SAMHD1: variants seen among roughly 807,000 people sequenced by gnomAD.
SAMHD1 encodes SAM and HD domain containing deoxynucleoside triphosphate triphosphohydrolase 1, also known as deoxynucleoside triphosphate triphosphohydrolase SAMHD1.
A neutral mutation model predicts 79.6 loss-of-function variants in SAMHD1; 54 were observed. The observed-to-expected ratio is 0.68, with a 90% confidence interval of 0.55 to 0.85. The LOEUF (loss-of-function observed/expected upper bound fraction) is 0.85, where lower values mean the gene tolerates loss of function less well. SAMHD1 is among the 40% of genes least tolerant of loss of function. The probability of loss-of-function intolerance (pLI) is 0.00; values close to 1 mark genes in which losing one functional copy is unlikely to be tolerated. For synonymous variants in SAMHD1, 260 were observed against 264.1 expected (o/e 0.98, Z 0.15); for missense variants, 663 against 782.7 (o/e 0.85, Z 1.82).
chr20:36,908,005 G>A (rs931488609), intron 11 of SAMHD1, among the ~76,000 whole-genome samples: 15 of 151,906 alleles, frequency 9.9e-5, no homozygotes, highest in Non-Finnish European at 1.9e-4. Flanking sequence ...TCTCCGAGTA[G>A]CTGGGACTAC....
chr20:36,898,087 A>G, intron 14 of SAMHD1, 128 bp from the exon 15 acceptor site: 3 of 1,158,376 alleles, frequency 2.6e-6, no homozygotes, highest in Non-Finnish European at 3.8e-6. Flanking sequence ...GCTGGAGTGC[A>G]GTGGCACAAT....
chr20:36,912,889 GTTT>G lies in SAMHD1; in HGVS notation c.1063-340_1063-338del, dbSNP rs71186089. 1.5e-4 allele frequency among the ~76,000 whole-genome samples: 6 copies of G among 41,104 alleles called. No homozygotes were observed. In the Admixed American group the frequency reaches 1.7e-3, roughly 11 times the overall value. The allele number at this position is 41,104 out of a possible 152,430, so 27.0% of individuals were successfully genotyped here. ...TGTACCCAGCTAACTTTCATTCTTT[GTTT>G]TTTTTTTTTTTTTTTTTTTTTTTGA... On this transcript the variant is annotated intron_variant, in intron 9 of 15. Transcript: ENST00000646673.
At chr20:36,893,284 A>G (rs576091270) in intron 15 of SAMHD1, 9 of 605,038 alleles carry the variant, frequency 1.5e-5, no homozygotes, top group South Asian at 9.7e-5. Context: ...GAAAACAGCC[A>G]CTGGCCTCTG....
At chr20:36,929,714 A>AT (rs2063556721) in intron 5 of SAMHD1, among the ~76,000 whole-genome samples, 1 of 152,194 alleles carries the variant, frequency 6.6e-6, no homozygotes, top group Admixed American at 6.6e-5. Context: ...CTCCATCTCA[A>AT]AAATAAAAAA....
chr20:36,912,187 G>A (rs1045171917), intron 10 of SAMHD1: 2 of 452,954 alleles, frequency 4.4e-6, no homozygotes, highest in Non-Finnish European at 8.1e-6. Context: ...AGTGATCTCA[G>A]CACTGCCGCT....
chr20:36,923,413 C>A (rs1022230196), intron 6 of SAMHD1, among the ~76,000 whole-genome samples: 1 of 151,754 alleles, frequency 6.6e-6, no homozygotes, highest in Non-Finnish European at 1.5e-5. Flanking sequence ...CAGGGCAAGA[C>A]CCTCTCTCAA....
rs1308335953 is a variant in SAMHD1, at chr20:36,896,005, T to C, written c.1746+1817A>G. ...GATATTTAAAGTATAAAGGAGGATATGTATAGGTCATATGCAAACACTATA... is the reference window on the plus strand; with the variant it reads ...GATATTTAAAGTATAAAGGAGGATACGTATAGGTCATATGCAAACACTATA... On this transcript the variant is annotated intron_variant, in intron 15 of 15. Coordinates refer to ENST00000646673, the MANE Select transcript of SAMHD1 (RefSeq NM_015474.4). Among the ~76,000 whole-genome samples, 10 of 152,222 alleles carry C rather than the reference T, an allele frequency of 6.6e-5. No individual in the cohort carries two copies. The South Asian group carries it at 1.9e-3, about 28-fold the overall frequency.
In SAMHD1 at chr20:36,897,536, C is replaced by T. The variant is rs562340667; in HGVS notation, c.1746+286G>A. On this transcript the variant is annotated intron_variant, in intron 15 of 15. Coordinates refer to ENST00000646673, the MANE Select transcript of SAMHD1 (RefSeq NM_015474.4). ...AGATGGAGACACTATGAATAACCTT[C>T]CAGGGCCACTGGTGAACAACATTAG... The T allele has an allele frequency of 1.1e-4, 50 of 462,588 alleles. No homozygotes were observed. In the East Asian group the frequency reaches 2.1e-3, roughly 20 times the overall value. The allele number at this position is 462,588 out of a possible 1,614,324, so 28.7% of individuals were successfully genotyped here.
intron 15 of SAMHD1, among the ~76,000 whole-genome samples, chr20:36,895,087 T>C (rs550399213): frequency 6.6e-6 from 1 of 152,188 alleles, no homozygotes; most frequent in Non-Finnish European, 1.5e-5. Context: ...TTCTAGTGAA[T>C]TTTATAAATG....
In SAMHD1 at chr20:36,890,242, C is replaced by T. The variant is rs1990028006; in HGVS notation, c.*2690G>A. On this transcript the variant is annotated 3_prime_UTR_variant, in exon 16 of 16. Coordinates refer to ENST00000646673, the MANE Select transcript of SAMHD1 (RefSeq NM_015474.4). ...AAGATGGAGATATATATTCACGAAG[C>T]TTTATTGCAGCTGTTTCCCTTACCC... The T allele has an allele frequency of 6.6e-6, 1 of 152,146 alleles. No homozygotes were observed. 9.4% of individuals were successfully genotyped at this position (152,146 alleles called of 1,614,324 possible). A position where few individuals can be genotyped will look rare whatever the true frequency, so the allele number is the denominator to read the frequency against.
chr20:36,895,962 T>A (rs955988695), intron 15 of SAMHD1, among the ~76,000 whole-genome samples: 1 of 152,102 alleles, frequency 6.6e-6, no homozygotes, highest in Non-Finnish European at 1.5e-5. Flanking sequence ...TTGTAGTAGG[T>A]TTTATAAGTA....
chr20:36,936,211 G>A (rs779381979), intron 3 of SAMHD1, among the ~76,000 whole-genome samples: 15 of 152,032 alleles, frequency 9.9e-5, no homozygotes, highest in Non-Finnish European at 1.8e-4. Flanking sequence ...CAACACTTCA[G>A]CCTGGGCGAC....
Position 36,917,005 on chromosome 20 carries a change from C to T in SAMHD1, c.897G>A (p.Glu299=), listed in dbSNP as rs766301679. 11 of 1,614,036 alleles carry T rather than the reference C, an allele frequency of 6.8e-6. No individual in the cohort carries two copies. The highest frequency in any genetic ancestry group is 4.2e-6 in the Non-Finnish European group (5 of 1,179,946). Residue 299 remains glutamate, a synonymous_variant, in exon 8 of 16, where the codon GAG becomes GAA. Coordinates refer to ENST00000646673, the MANE Select transcript of SAMHD1 (RefSeq NM_015474.4). ...GRPENKSFLY[E]IVSNKRNGID... ...TGCCATTTCTTTTATTAGATACTAT[C>T]TCATAAAGGAAGCTTTTGTTTTCAG...
intron 6 of SAMHD1, among the ~76,000 whole-genome samples, chr20:36,923,576 TTATAAGGAACTTAGGAG>T (rs1270802372): frequency 9.2e-5 from 14 of 152,148 alleles, no homozygotes; most frequent in Non-Finnish European, 1.5e-4. Flanking sequence ...ACAACTAAAA[TTATAAGGAACTTAGGAG>T]TAAGTATAAC....
chr20:36,912,541 A>G lies in SAMHD1; in HGVS notation c.1074T>C (p.Asn358=). ...RICARDKEVG[N]LYDMFHTRNS... ...TGCGAGTGTGGAACATGTCATACAGATTTCCAACTTCCTGCAGGAAAACAT... is the reference window on the plus strand; with the variant it reads ...TGCGAGTGTGGAACATGTCATACAGGTTTCCAACTTCCTGCAGGAAAACAT... Residue 358 remains asparagine (N), a synonymous_variant, in exon 10 of 16, where the codon AAT becomes AAC. Coordinates refer to ENST00000646673, the MANE Select transcript of SAMHD1 (RefSeq NM_015474.4). 6.2e-7 allele frequency: 1 copy of G among 1,610,866 alleles called. No homozygotes were observed. The highest frequency in any genetic ancestry group is 8.5e-7 in the Non-Finnish European group (1 of 1,177,268).
intron 3 of SAMHD1, chr20:36,940,761 T>A: frequency 2.1e-6 from 1 of 485,234 alleles, no homozygotes. Flanking sequence ...GCTCTAAAAA[T>A]AACAGACTTG....
Position 36,919,525 on chromosome 20 carries a change from A to G in SAMHD1, c.697-6T>C. On this transcript the variant is annotated splice_polypyrimidine_tract_variant and splice_region_variant and intron_variant, in intron 6 of 15. Transcript: ENST00000646673. Reference sequence around the variant, plus strand: ...ATAACTGAGCCTTGTTCATGCTAGGAAAAGTAAGCACAATATGATGTGTTA... The same window carrying G: ...ATAACTGAGCCTTGTTCATGCTAGGGAAAGTAAGCACAATATGATGTGTTA... 6.2e-7 allele frequency: 1 copy of G among 1,612,964 alleles called. No individual in the cohort carries two copies. Among genetic ancestry groups the G allele is most frequent in the Admixed American group, 1.7e-5 (1 of 59,994 alleles).
intron 3 of SAMHD1, among the ~76,000 whole-genome samples, chr20:36,938,356 A>G (rs1238501112): frequency 3.3e-5 from 5 of 151,758 alleles, no homozygotes. Flanking sequence ...CCTGGCCAAC[A>G]TGGTGAAACC....
intron 3 of SAMHD1, among the ~76,000 whole-genome samples, chr20:36,937,076 G>A (rs1458099412): frequency 1.3e-5 from 2 of 150,776 alleles, no homozygotes; most frequent in African/African-American, 2.4e-5. Context: ...AGGAGGCAAA[G>A]GTTGCAGTGA....
Sources: allele counts gnomAD v4.1 joint callset (sites outside exome capture counted in the v4.1 genomes callset), GRCh38; gene constraint gnomAD v4.1.1; transcripts MANE v1.5; gene names NCBI Gene and HGNC (gene_info 2026-07-23, HGNC 2026-07-21).